Variants in FBXL12 observed in about 807,000 individuals in gnomAD.
The protein encoded by FBXL12 is F-box and leucine rich repeat protein 12.
A neutral mutation model predicts 24.9 loss-of-function variants in FBXL12; 22 were observed. The ratio of observed to expected loss-of-function variants is 0.88; its 90% confidence interval spans 0.63 to 1.26. The LOEUF is 1.26. FBXL12 is among the 50% of genes most tolerant of loss of function. The pLI, the probability that FBXL12 is intolerant of heterozygous loss-of-function variation, is 0.00. For missense variants in FBXL12, 384 were observed against 434.1 expected (o/e 0.88, Z 1.03); for synonymous variants, 193 against 193.8 (o/e 1.00, Z 0.03).
chr19:9,810,415 G>C lies in FBXL12; in HGVS notation c.*481C>G, dbSNP rs147821710. ...GCGAGTCTGCATCGCCTATCTCTCC[G>C]CGTCTCTTGCGTGCGTGTAGGTATA... is the stretch of plus-strand genomic sequence containing the variant. On this transcript the variant is annotated 3_prime_UTR_variant, in exon 3 of 3. Coordinates refer to ENST00000247977, the MANE Select transcript of FBXL12 (RefSeq NM_017703.3). The C allele has an allele frequency of 1.9e-5, 3 of 154,628 alleles. No homozygotes were observed. The highest frequency in any genetic ancestry group is 6.5e-5 in the Admixed American group (1 of 15,358). 9.6% of individuals were successfully genotyped at this position (154,628 alleles called of 1,614,324 possible). A position where few individuals can be genotyped will look rare whatever the true frequency, so the allele number is the denominator to read the frequency against.
intron 2 of FBXL12, among the ~76,000 whole-genome samples, chr19:9,813,044 C>T (rs1443567685): frequency 6.6e-6 from 1 of 151,982 alleles, no homozygotes; most frequent in African/African-American, 2.4e-5. Context: ...TTGCACCAGC[C>T]TGGGCAACAA....
Position 9,811,068 on chromosome 19 carries a change from G to T in FBXL12, c.809C>A (p.Ser270Tyr). 1 of 1,612,262 alleles carries T rather than the reference G, an allele frequency of 6.2e-7. No homozygotes were observed. The highest frequency in any genetic ancestry group is 8.5e-7 in the Non-Finnish European group (1 of 1,178,618). Residue 270 changes from serine (S) to tyrosine (Y), a missense_variant, in exon 3 of 3, where the codon TCC (serine) becomes TAC (tyrosine). Physicochemically the swap from Ser to Tyr is moderately radical, Grantham distance 144. Coordinates refer to ENST00000247977, the MANE Select transcript of FBXL12 (RefSeq NM_017703.3). This position sits in a 1 kb window ranked among gnomAD's most constrained non-coding sequence, Gnocchi z 6.0. ...QGPLVTPEMP[S>Y]PTEILSSCLT... ...GCAGGAGGAGAGGATTTCAGTGGGG[G>T]AGGGCATTTCTGGGGTGACGAGGGG...
chr19:9,811,016 A>T lies in FBXL12; in HGVS notation c.861T>A (p.Leu287=). The T allele has an allele frequency of 6.2e-7, 1 of 1,612,404 alleles. No individual in the cohort carries two copies. The highest frequency in any genetic ancestry group is 8.5e-7 in the Non-Finnish European group (1 of 1,178,894). ...SCLTMPKLRV[L]ELQGLGWEGQ... The stretch of plus-strand genomic sequence containing the variant: ...CCTCCCACCCCAGCCCCTGCAGCTC[A>T]AGGACTCTGAGCTTGGGCATAGTGA... Residue 287 remains leucine (L), a synonymous_variant, in exon 3 of 3, where the codon CTT becomes CTA. Transcript: ENST00000247977. The surrounding 1 kb of genome is among the most constrained non-coding windows in gnomAD (Gnocchi z 6.0).
At chr19:9,818,494 G>T in intron 2 of FBXL12, 51 bp downstream of exon 2, 1 of 1,520,992 alleles carries the variant, frequency 6.6e-7, no homozygotes, top group Non-Finnish European at 8.8e-7. Context: ...TGGTCTTCGG[G>T]GTCCGGGCAC....
rs1007001502 is a variant in FBXL12 at position 9,818,905 on chromosome 19, T to C, written c.-92A>G. 11 of 1,218,360 alleles carry C rather than the reference T, an allele frequency of 9.0e-6. 1 individual carries two copies. In the Admixed American group the frequency reaches 2.6e-4, roughly 29 times the overall value. 75.5% of individuals were successfully genotyped at this position (1,218,360 alleles called of 1,614,324 possible). A position where few individuals can be genotyped will look rare whatever the true frequency, so the allele number is the denominator to read the frequency against. ...GGCTGACAGGGCGGCGGCCGCGACC[T>C]TCCCGTAGCCGGTCGAGAAATTTGA... On this transcript the variant is annotated 5_prime_UTR_variant, in exon 1 of 3. Coordinates refer to ENST00000247977, the MANE Select transcript of FBXL12 (RefSeq NM_017703.3).
At chr19:9,813,454 G>A in intron 2 of FBXL12, 1 of 319,050 alleles carries the variant, frequency 3.1e-6, no homozygotes. Context: ...TCGTGCCTTA[G>A]CCTCCTGAGT....
rs534578569 is a variant in FBXL12, at chr19:9,810,430, G to C, written c.*466C>G. ...CTATCTCTCCGCGTCTCTTGCGTGC[G>C]TGTAGGTATATAAATGGTGTATAGG... On this transcript the variant is annotated 3_prime_UTR_variant, in exon 3 of 3. Transcript: ENST00000247977. 1 of 156,424 alleles carries C rather than the reference G, an allele frequency of 6.4e-6. No individual in the cohort carries two copies. The highest frequency in any genetic ancestry group is 1.4e-5 in the Non-Finnish European group (1 of 71,156). 9.7% of individuals were successfully genotyped at this position (156,424 alleles called of 1,614,324 possible). A position where few individuals can be genotyped will look rare whatever the true frequency, so the allele number is the denominator to read the frequency against.
Position 9,810,762 on chromosome 19 carries a change from C to T in FBXL12, c.*134G>A. ...AGTGATTCCAATGGTCTGGAGGTCC[C>T]TAGGCCTCTGTTCTCTCAACCTGGG... On this transcript the variant is annotated 3_prime_UTR_variant, in exon 3 of 3. Coordinates refer to ENST00000247977, the MANE Select transcript of FBXL12 (RefSeq NM_017703.3). 1 of 671,656 alleles carries T rather than the reference C, an allele frequency of 1.5e-6. No homozygotes were observed. Among genetic ancestry groups the T allele is most frequent in the Non-Finnish European group, 2.5e-6 (1 of 404,482 alleles). The allele number at this position is 671,656 out of a possible 1,614,324, so 41.6% of individuals were successfully genotyped here.
intron 2 of FBXL12, chr19:9,813,100 G>C (rs945388629): frequency 5.2e-5 from 24 of 463,356 alleles, no homozygotes; most frequent in Non-Finnish European, 7.2e-5. Context: ...AAGCCTGGTA[G>C]AGTGGAAGCT....
intron 2 of FBXL12, chr19:9,813,496 C>A: frequency 3.7e-6 from 1 of 268,874 alleles, no homozygotes; most frequent in Non-Finnish European, 6.8e-6. Context: ...CCACCATGCC[C>A]GGCTAATTTT....
chr19:9,818,605 G>A lies in FBXL12; in HGVS notation c.99C>T (p.Arg33=), dbSNP rs747030677. Residue 33 remains arginine (R), a synonymous_variant, in exon 2 of 3, where the codon CGC becomes CGT. Coordinates refer to ENST00000247977, the MANE Select transcript of FBXL12 (RefSeq NM_017703.3). ...ACCGGTCGTCCACCAGCCTCTTCCAGCGGTGACAGACCCTGGGGGAGGGGA... is the reference window on the plus strand; with the variant it reads ...ACCGGTCGTCCACCAGCCTCTTCCAACGGTGACAGACCCTGGGGGAGGGGA... The part of the protein sequence containing the change: ...DRIRISRVCH[R]WKRLVDDRWL... The A allele has an allele frequency of 2.6e-6, 4 of 1,555,538 alleles. No individual in the cohort carries two copies. In the South Asian group the frequency reaches 3.5e-5, roughly 14 times the overall value.
intron 2 of FBXL12, among the ~76,000 whole-genome samples, chr19:9,816,695 C>A (rs1364625736): frequency 6.6e-6 from 1 of 152,164 alleles, no homozygotes; most frequent in Admixed American, 6.6e-5. Context: ...CTTTTGAGCC[C>A]CCCATACTGT....
intron 2 of FBXL12, among the ~76,000 whole-genome samples, chr19:9,813,029 T>C (rs980378323): frequency 1.3e-5 from 2 of 151,894 alleles, no homozygotes; most frequent in African/African-American, 4.8e-5. Flanking sequence ...GCCAAGATCG[T>C]GCCGTTGCAC....
In FBXL12 at chr19:9,811,694, G is replaced by A. The variant is rs764463064; in HGVS notation, c.183C>T (p.His61=). 3 of 1,512,824 alleles carry A rather than the reference G, an allele frequency of 2.0e-6. No individual in the cohort carries two copies. Among genetic ancestry groups the A allele is most frequent in the East Asian group, 2.3e-5 (1 of 43,866 alleles). 93.7% of individuals were successfully genotyped at this position (1,512,824 alleles called of 1,614,324 possible). The change falls in exon 3 of 3, where the codon CAC becomes CAT. Residue 61 remains histidine, a synonymous_variant. Coordinates refer to ENST00000247977, the MANE Select transcript of FBXL12 (RefSeq NM_017703.3). This position sits in a 1 kb window ranked among gnomAD's most constrained non-coding sequence, Gnocchi z 6.0. ...GGGATGCCATGTACCTTCGAAGGAGGTGCCACATGACTTTAGGTCGCATCT... is the reference window on the plus strand; with the variant it reads ...GGGATGCCATGTACCTTCGAAGGAGATGCCACATGACTTTAGGTCGCATCT... ...LYTMRPKVMW[H]LLRRYMASRL...
Position 9,810,814 on chromosome 19 carries a change from T to C in FBXL12, c.*82A>G. ...CTTTCAGTTTCCTCAAGTCTGATTA[T>C]CTGCCCTCTTCAAGGTGCTGCTCAG... On this transcript the variant is annotated 3_prime_UTR_variant, in exon 3 of 3. Transcript: ENST00000247977. 2 of 1,122,994 alleles carry C rather than the reference T, an allele frequency of 1.8e-6. No homozygotes were observed. The highest frequency in any genetic ancestry group is 2.5e-6 in the Non-Finnish European group (2 of 792,734). The allele number at this position is 1,122,994 out of a possible 1,614,324, so 69.6% of individuals were successfully genotyped here. A position where few individuals can be genotyped will look rare whatever the true frequency, so the allele number is the denominator to read the frequency against.
At chr19:9,812,484 T>A (rs866712539) in intron 2 of FBXL12, among the ~76,000 whole-genome samples, 1 of 127,642 alleles carries the variant, frequency 7.8e-6, no homozygotes, top group Non-Finnish European at 1.5e-5. Flanking sequence ...TGAGTCGATA[T>A]CGCACCACTG....
intron 2 of FBXL12, among the ~76,000 whole-genome samples, chr19:9,816,992 G>T (rs901968354): frequency 6.6e-6 from 1 of 152,190 alleles, no homozygotes; most frequent in Non-Finnish European, 1.5e-5. Context: ...AAACCCATCA[G>T]ATCTTGTGAG....
chr19:9,813,350 T>G (rs1296505254), intron 2 of FBXL12: 4 of 997,412 alleles, frequency 4.0e-6, no homozygotes, highest in African/African-American at 1.7e-5. Context: ...TCTTTTCTTT[T>G]TTTTTGAGAC....
At position 9,811,052 on chromosome 19, in the gene FBXL12, G is replaced by T. The variant is rs201281959; in HGVS notation, c.825C>A (p.Leu275=). ...GCTTGGGCATAGTGAGGCAGGAGGA[G>T]AGGATTTCAGTGGGGGAGGGCATTT... The part of the protein sequence containing the change: ...TPEMPSPTEI[L]SSCLTMPKLR... The change falls in exon 3 of 3, where the codon CTC becomes CTA. Residue 275 remains leucine (L), a synonymous_variant. Coordinates refer to ENST00000247977, the MANE Select transcript of FBXL12 (RefSeq NM_017703.3). The surrounding 1 kb of genome is among the most constrained non-coding windows in gnomAD (Gnocchi z 6.0). The T allele has an allele frequency of 8.1e-6, 13 of 1,613,002 alleles. No individual in the cohort carries two copies. The East Asian group carries it at 2.7e-4, about 33-fold the overall frequency.
Sources: gnomAD v4.1 joint callset for allele counts (sites outside exome capture counted in the v4.1 genomes callset) on GRCh38, gnomAD v4.1.1 for gene constraint, Gnocchi (gnomAD v3.1) non-coding constraint, MANE v1.5 for transcripts, NCBI Gene and HGNC (gene_info 2026-07-23, HGNC 2026-07-21) for gene names.